TEC: variants seen among roughly 807,000 people sequenced by gnomAD.
The protein encoded by TEC is tyrosine-protein kinase Tec.
A neutral mutation model predicts 93.0 loss-of-function variants in TEC; 72 were observed. The observed-to-expected ratio is 0.77, with a 90% CI of 0.64 to 0.94. The LOEUF is 0.94. Among genes scored for constraint, TEC ranks in the 40% least tolerant of loss-of-function variants. The pLI, the probability that TEC is intolerant of heterozygous loss-of-function variation, is 0.00. For synonymous variants in TEC, 249 were observed against 247.7 expected, an observed-to-expected ratio of 1.01 and a Z score of -0.05; for missense variants, 630 against 757.9, an observed-to-expected ratio of 0.83 and a Z score of 1.98.
intron 8 of TEC, among the ~76,000 whole-genome samples, chr4:48,158,771 T>C (rs1720503290): frequency 6.6e-6 from 1 of 152,158 alleles, no homozygotes; most frequent in Non-Finnish European, 1.5e-5. Flanking sequence ...CCCTTCCTCA[T>C]CTACTGTTTC....
chr4:48,248,406 G>C (rs897428577), intron 1 of TEC, among the ~76,000 whole-genome samples: 2 of 152,134 alleles, frequency 1.3e-5, no homozygotes, highest in Admixed American at 6.6e-5. Flanking sequence ...TGCAGTAAGA[G>C]AGAGCACGCA....
intron 9 of TEC, among the ~76,000 whole-genome samples, chr4:48,154,144 T>C (rs1052703760): frequency 1.3e-5 from 2 of 152,272 alleles, no homozygotes; most frequent in Non-Finnish European, 2.9e-5. Context: ...GGTTTGCTCC[T>C]GTGTGCCTGT....
intron 15 of TEC, among the ~76,000 whole-genome samples, chr4:48,139,594 C>T (rs1367615296): frequency 6.6e-6 from 1 of 152,170 alleles, no homozygotes; most frequent in Non-Finnish European, 1.5e-5. Context: ...CATACATACA[C>T]TCAAAACAAT....
intron 1 of TEC, among the ~76,000 whole-genome samples, chr4:48,266,093 T>C (rs1428211865): frequency 1.3e-5 from 2 of 150,546 alleles, no homozygotes; most frequent in Non-Finnish European, 3.0e-5. Context: ...GCCTTCAAAA[T>C]TGCCATCTTA....
At chr4:48,261,576 G>T (rs1368324522) in intron 1 of TEC, among the ~76,000 whole-genome samples, 1 of 152,116 alleles carries the variant, frequency 6.6e-6, no homozygotes, top group Non-Finnish European at 1.5e-5. Flanking sequence ...AGTAACAAAA[G>T]ATATCATTGG....
intron 1 of TEC, among the ~76,000 whole-genome samples, chr4:48,242,162 T>C (rs1350211263): frequency 6.6e-6 from 1 of 152,244 alleles, no homozygotes; most frequent in Admixed American, 6.5e-5. Flanking sequence ...TTTACTTATA[T>C]AAGCAATATG....
At chr4:48,179,366 ATATATATATATTT>A (rs1281885554) in intron 2 of TEC, among the ~76,000 whole-genome samples, 3 of 37,088 alleles carry the variant, frequency 8.1e-5, no homozygotes, top group East Asian at 3.3e-3. Flanking sequence ...ATATATATAT[ATATATATATATTT>A]TTTTTTTTTT....
chr4:48,180,418 A>G (rs1191416816), intron 2 of TEC, among the ~76,000 whole-genome samples: 1 of 152,138 alleles, frequency 6.6e-6, no homozygotes, highest in Non-Finnish European at 1.5e-5. Flanking sequence ...GGATTTCATA[A>G]TATGATGGGT....
chr4:48,200,203 G>A (rs1722453553), intron 2 of TEC, among the ~76,000 whole-genome samples: 1 of 151,932 alleles, frequency 6.6e-6, no homozygotes. Context: ...TCTAGAGAAA[G>A]GACATAGGTA....
intron 5 of TEC, 119 bp from the exon 6 acceptor site, chr4:48,168,745 GACC>G (rs1273777951): frequency 1.0e-6 from 1 of 970,746 alleles, no homozygotes; most frequent in African/African-American, 1.7e-5. Context: ...AGCACACTCT[GACC>G]AACTCTGGTG....
At chr4:48,212,818 T>C (rs1191501931) in intron 2 of TEC, among the ~76,000 whole-genome samples, 2 of 152,208 alleles carry the variant, frequency 1.3e-5, no homozygotes, top group Non-Finnish European at 2.9e-5. Flanking sequence ...TAACAAAGTA[T>C]GTCATTATGA....
intron 2 of TEC, among the ~76,000 whole-genome samples, chr4:48,187,661 G>GCTAAAAC (rs1200310242): frequency 6.6e-6 from 1 of 152,114 alleles, no homozygotes; most frequent in Non-Finnish European, 1.5e-5. Flanking sequence ...TGGCCCCAGA[G>GCTAAAAC]CTAAAACCTA....
At chr4:48,225,087 T>C (rs924642770) in intron 2 of TEC, among the ~76,000 whole-genome samples, 3 of 152,232 alleles carry the variant, frequency 2.0e-5, no homozygotes, top group African/African-American at 4.8e-5. Flanking sequence ...AATTTACTTC[T>C]AGAGTCACAT....
chr4:48,220,683 A>G (rs1223809691), intron 2 of TEC, among the ~76,000 whole-genome samples: 1 of 152,218 alleles, frequency 6.6e-6, no homozygotes, highest in Admixed American at 6.5e-5. Context: ...TCTTTATAGC[A>G]ATACGAATGG....
intron 1 of TEC, among the ~76,000 whole-genome samples, chr4:48,245,925 G>A (rs1724041804): frequency 2.0e-5 from 3 of 152,046 alleles, no homozygotes; most frequent in Admixed American, 2.0e-4. Context: ...GGCCTGACCA[G>A]CATGGTGAAA....
At chr4:48,269,044 C>A (rs1248647173) in intron 1 of TEC, among the ~76,000 whole-genome samples, 2 of 147,302 alleles carry the variant, frequency 1.4e-5, no homozygotes, top group Admixed American at 1.4e-4. Context: ...CCAAGAAGTA[C>A]ATACATTGGC....
At chr4:48,179,078 C>G (rs1233281795) in intron 2 of TEC, among the ~76,000 whole-genome samples, 1 of 152,038 alleles carries the variant, frequency 6.6e-6, no homozygotes, top group African/African-American at 2.4e-5. Flanking sequence ...CCTTTTCTCC[C>G]TTCCCTTCAG....
At chr4:48,142,195 G>GTGCA (rs1719702122) in intron 14 of TEC, among the ~76,000 whole-genome samples, 1 of 152,200 alleles carries the variant, frequency 6.6e-6, no homozygotes, top group African/African-American at 2.4e-5. Flanking sequence ...AACAGGCTGG[G>GTGCA]TGCAGTGGCT....
At chr4:48,181,068 G>C (rs1721563915) in intron 2 of TEC, among the ~76,000 whole-genome samples, 1 of 152,138 alleles carries the variant, frequency 6.6e-6, no homozygotes. Flanking sequence ...TTTTGAGTTT[G>C]AGTGACCAGG....
Sources: allele counts gnomAD v4.1 joint callset (sites outside exome capture counted in the v4.1 genomes callset), GRCh38; gene constraint gnomAD v4.1.1; transcripts MANE v1.5; gene names NCBI Gene and HGNC (gene_info 2026-07-23, HGNC 2026-07-21).